The following CDKAL1 variants were observed in gnomAD, a reference collection of about 807,000 sequenced individuals.
CDKAL1 encodes threonylcarbamoyladenosine tRNA methylthiotransferase.
CDKAL1 carries 32 observed loss-of-function variants against 68.2 expected under a neutral mutation model. That is an observed-to-expected ratio of 0.47 (90% confidence interval 0.35 to 0.63). The LOEUF is 0.63. CDKAL1 is among the 30% of genes least tolerant of loss of function. The pLI is 0.00. For missense variants in CDKAL1, 606 were observed against 696.7 expected (o/e 0.87, Z 1.47); for synonymous variants, 234 against 244.3 (o/e 0.96, Z 0.39).
intron 4 of CDKAL1, among the ~76,000 whole-genome samples, chr6:20,624,218 G>A (rs1409403205): frequency 6.6e-6 from 1 of 151,958 alleles, no homozygotes; most frequent in Non-Finnish European, 1.5e-5. Flanking sequence ...ACAGAGATAG[G>A]TAGTCAGTTC....
intron 9 of CDKAL1, among the ~76,000 whole-genome samples, chr6:20,936,509 C>T (rs2150686386): frequency 6.6e-6 from 1 of 151,704 alleles, no homozygotes; most frequent in African/African-American, 2.4e-5. Flanking sequence ...CTCGGCCTCC[C>T]AAAGTGCTGG....
chr6:20,722,013 G>C (rs547852366), intron 5 of CDKAL1, among the ~76,000 whole-genome samples: 18 of 152,102 alleles, frequency 1.2e-4, no homozygotes, highest in African/African-American at 3.4e-4. Flanking sequence ...TTACAGGCGT[G>C]AGCCACCGTG....
At chr6:20,988,402 C>A (rs1766603596) in intron 10 of CDKAL1, among the ~76,000 whole-genome samples, 1 of 152,154 alleles carries the variant, frequency 6.6e-6, no homozygotes, top group South Asian at 2.1e-4. Context: ...GCTATCTGCG[C>A]ATTCAGTAGC....
chr6:20,719,960 G>A (rs764992220), intron 5 of CDKAL1, among the ~76,000 whole-genome samples: 1 of 152,040 alleles, frequency 6.6e-6, no homozygotes, highest in Non-Finnish European at 1.5e-5. Context: ...TAATCTACAG[G>A]CTCCCCTCCA....
At chr6:21,130,512 A>G (rs941124461) in intron 13 of CDKAL1, among the ~76,000 whole-genome samples, 1 of 152,198 alleles carries the variant, frequency 6.6e-6, no homozygotes, top group African/African-American at 2.4e-5. Context: ...GGCATGAGCC[A>G]CCAAGCCTGG....
chr6:20,825,783 G>C (rs1201660377), intron 8 of CDKAL1, among the ~76,000 whole-genome samples: 1 of 152,062 alleles, frequency 6.6e-6, no homozygotes, highest in African/African-American at 2.4e-5. Context: ...TTAACCCGTT[G>C]ATTATTTGTT....
chr6:20,923,260 G>A lies in CDKAL1; in HGVS notation c.743-32159G>A, dbSNP rs111505013. Among the ~76,000 whole-genome samples the A allele has an allele frequency of 1.6e-3, 242 of 152,126 alleles. 1 individual carries two copies. The highest frequency in any genetic ancestry group is 5.4e-3 in the African/African-American group (222 of 41,486). ...GGGTACAGGTATACCTCCTTTTATTGCACTTTGCTTTATTTTGCTTTGTAG... is the reference window on the plus strand; with the variant it reads ...GGGTACAGGTATACCTCCTTTTATTACACTTTGCTTTATTTTGCTTTGTAG... On this transcript the variant is annotated intron_variant, in intron 9 of 15. Transcript: ENST00000274695.
rs77370361 is a variant in CDKAL1 at position 20,856,415 on chromosome 6, G to C, written c.742+10237G>C. 2.6e-3 allele frequency among the ~76,000 whole-genome samples: 401 copies of C among 152,316 alleles called. 9 individuals are homozygous for C. In the East Asian group the frequency reaches 0.061, roughly 23 times the overall value. ...GAGATATTGCTTAGTTTCAGCTGCTGTTCCAGCACAATTGAATGCTGTGTC... is the reference window on the plus strand; with the variant it reads ...GAGATATTGCTTAGTTTCAGCTGCTCTTCCAGCACAATTGAATGCTGTGTC... On this transcript the variant is annotated intron_variant, in intron 9 of 15. Coordinates refer to ENST00000274695, the MANE Select transcript of CDKAL1 (RefSeq NM_017774.3).
At chr6:20,904,626 C>T (rs1762151996) in intron 9 of CDKAL1, among the ~76,000 whole-genome samples, 1 of 152,004 alleles carries the variant, frequency 6.6e-6, no homozygotes, top group Non-Finnish European at 1.5e-5. Context: ...CCCATCTCTA[C>T]TAAAAATACA....
rs145448785 is a variant in CDKAL1 at position 20,855,442 on chromosome 6, CAAAAAAAAAAAAAAAAA to C, written c.742+9278_742+9294del. Reference sequence around the variant, plus strand: ...TGGGAGACAGAGCGAGACTCCGTCTCAAAAAAAAAAAAAAAAAAAAAAAAAAAAAAGAACTTGCAGAC... The same window carrying C: ...TGGGAGACAGAGCGAGACTCCGTCTCAAAAAAAAAAAAAGAACTTGCAGAC... On this transcript the variant is annotated intron_variant, in intron 9 of 15. Transcript: ENST00000274695. Among the ~76,000 whole-genome samples, 432 of 64,672 alleles carry C rather than the reference CAAAAAAAAAAAAAAAAA, an allele frequency of 6.7e-3. 11 individuals are homozygous for C. The South Asian group carries it at 0.14, about 21-fold the overall frequency. 42.4% of individuals were successfully genotyped at this position (64,672 alleles called of 152,430 possible).
intron 8 of CDKAL1, among the ~76,000 whole-genome samples, chr6:20,832,219 A>T (rs900074984): frequency 2.6e-5 from 4 of 152,240 alleles, no homozygotes; most frequent in African/African-American, 9.6e-5. Context: ...AAGGTGAGAA[A>T]TGCCCATTAA....
intron 5 of CDKAL1, among the ~76,000 whole-genome samples, chr6:20,732,283 T>TTTTTTTTTTG (rs1554112044): frequency 1.7e-5 from 2 of 117,530 alleles, no homozygotes; most frequent in African/African-American, 5.8e-5. Context: ...TTTTTTTTTT[T>TTTTTTTTTTG]TTGTTGTTGT....
At chr6:21,115,972 C>T (rs1467177130) in intron 13 of CDKAL1, among the ~76,000 whole-genome samples, 1 of 152,182 alleles carries the variant, frequency 6.6e-6, no homozygotes, top group Non-Finnish European at 1.5e-5. Context: ...CCTAGCCATT[C>T]CTTGCATCCT....
intron 5 of CDKAL1, among the ~76,000 whole-genome samples, chr6:20,674,796 C>A (rs1581362442): frequency 6.6e-6 from 1 of 152,290 alleles, no homozygotes; most frequent in Admixed American, 6.6e-5. Flanking sequence ...TTAGCTCTCA[C>A]ACATGAGTGA....
chr6:20,600,190 T>A (rs1371271163), intron 4 of CDKAL1, among the ~76,000 whole-genome samples: 1 of 152,168 alleles, frequency 6.6e-6, no homozygotes, highest in Non-Finnish European at 1.5e-5. Context: ...AATTTCTCAA[T>A]CATTTGGTCC....
At chr6:20,753,668 T>C (rs1424124752) in intron 6 of CDKAL1, among the ~76,000 whole-genome samples, 2 of 152,222 alleles carry the variant, frequency 1.3e-5, no homozygotes, top group African/African-American at 4.8e-5. Flanking sequence ...TGTATGCATA[T>C]GCCACATGTT....
chr6:20,859,098 G>T (rs1759483610), intron 9 of CDKAL1, among the ~76,000 whole-genome samples: 1 of 151,470 alleles, frequency 6.6e-6, no homozygotes, highest in Non-Finnish European at 1.5e-5. Context: ...ACTTGACTAA[G>T]CTATAAAAAT....
chr6:20,986,792 T>C (rs1478739439), intron 10 of CDKAL1, among the ~76,000 whole-genome samples: 1 of 152,196 alleles, frequency 6.6e-6, no homozygotes, highest in Admixed American at 6.5e-5. Context: ...CTAGATTATT[T>C]TATAAAATAT....
At chr6:21,211,064 T>C (rs1032463168) in intron 15 of CDKAL1, among the ~76,000 whole-genome samples, 4 of 152,228 alleles carry the variant, frequency 2.6e-5, no homozygotes, top group Admixed American at 2.0e-4. Flanking sequence ...AAAATCATTT[T>C]TGGCATCTGT....
Sources: allele counts gnomAD v4.1 joint callset (sites outside exome capture counted in the v4.1 genomes callset), GRCh38; gene constraint gnomAD v4.1.1; transcripts MANE v1.5; gene names NCBI Gene and HGNC (gene_info 2026-07-23, HGNC 2026-07-21).